Variants in TPM4 observed in about 807,000 individuals in gnomAD.
The protein encoded by TPM4 is tropomyosin alpha-4 chain.
Under a neutral mutation model 35.8 loss-of-function variants are expected in TPM4, and 17 were observed. That is an observed-to-expected ratio of 0.47 (90% CI 0.32 to 0.71). TPM4 has a LOEUF of 0.71. Ranked by LOEUF, TPM4 falls within the 30% of genes least tolerant of loss-of-function variation. The pLI, the probability that TPM4 is intolerant of heterozygous loss-of-function variation, is 0.03. For missense variants in TPM4, 240 were observed against 320.9 expected (o/e 0.75, Z 1.93); for synonymous variants, 120 against 122.9 (o/e 0.98, Z 0.15).
At chr19:16,101,203 TC>T in intron 7 of TPM4, 60 bp from the exon 8 acceptor site, 1 of 1,336,256 alleles carries the variant, frequency 7.5e-7, no homozygotes, top group Non-Finnish European at 1.0e-6. Context: ...TCTTTTTTTT[TC>T]TTTCATTTAA....
chr19:16,088,753 A>G (rs997198095), intron 4 of TPM4: 24 of 1,153,400 alleles, frequency 2.1e-5, no homozygotes, highest in Middle Eastern at 3.9e-4. Context: ...CATCAATCAT[A>G]GATTTCACAA....
intron 5 of TPM4, among the ~76,000 whole-genome samples, chr19:16,091,739 C>T (rs2090629255): frequency 6.6e-6 from 1 of 151,890 alleles, no homozygotes; most frequent in Non-Finnish European, 1.5e-5. Context: ...TGCCCCACTG[C>T]ACTCCAGAGT....
chr19:16,100,298 T>A (rs1313768535), intron 7 of TPM4: 1 of 152,220 alleles, frequency 6.6e-6, no homozygotes, highest in African/African-American at 2.4e-5. Context: ...GGACACCAAC[T>A]TAAATCTGAG....
chr19:16,077,905 G>C (rs2090432580), intron 1 of TPM4: 2 of 321,338 alleles, frequency 6.2e-6, no homozygotes, highest in Non-Finnish European at 1.1e-5. Context: ...GGGATTACAG[G>C]TGCCCGCCAC....
At chr19:16,089,186 G>A in intron 5 of TPM4, 66 bp downstream of exon 5, 1 of 1,598,536 alleles carries the variant, frequency 6.3e-7, no homozygotes, top group South Asian at 1.1e-5. Context: ...CCCGAGGGAT[G>A]CAGGAGCCTG....
upstream of TPM4, among the ~76,000 whole-genome samples, chr19:16,073,330 G>A (rs1466348775): frequency 1.3e-5 from 2 of 152,232 alleles, no homozygotes; most frequent in Admixed American, 6.5e-5. Flanking sequence ...GTGATCCACA[G>A]ATCTGGAAGG....
intron 7 of TPM4, among the ~76,000 whole-genome samples, chr19:16,095,070 T>G (rs2144958135): frequency 6.6e-6 from 1 of 152,304 alleles, no homozygotes; most frequent in East Asian, 1.9e-4. Flanking sequence ...CTCAAACCAC[T>G]TAGAGATCAA....
At position 16,067,832 on chromosome 19, in the gene TPM4, C is replaced by A; in HGVS notation, c.114+94C>A. ...GAGCCCAGTTGGGGGTCGCAGACAC[C>A]TGCGGGAGGATAGGAGGCTGATGCT... On this transcript the variant is annotated intron_variant, in intron 2 of 2. Transcript: ENST00000589897. The surrounding 1 kb of genome is among the most constrained non-coding windows in gnomAD (Gnocchi z 4.1). The A allele has an allele frequency of 8.6e-7, 1 of 1,162,814 alleles. No homozygotes were observed. The highest frequency in any genetic ancestry group is 1.2e-6 in the Non-Finnish European group (1 of 826,626). 72.0% of individuals were successfully genotyped at this position (1,162,814 alleles called of 1,614,324 possible).
At chr19:16,085,917 A>G (rs1165152739) in intron 2 of TPM4, among the ~76,000 whole-genome samples, 5 of 151,804 alleles carry the variant, frequency 3.3e-5, no homozygotes, top group Admixed American at 3.3e-4. Context: ...AAAAATATAA[A>G]AGTTAGCCGG....
At chr19:16,090,218 A>G (rs1365763838) in intron 5 of TPM4, among the ~76,000 whole-genome samples, 1 of 151,858 alleles carries the variant, frequency 6.6e-6, no homozygotes, top group Admixed American at 6.6e-5. Context: ...CTGGGCTTAA[A>G]TAATCCTATC....
rs766246737 is a variant in TPM4 at position 16,076,689 on chromosome 19, C to A, written c.124C>A (p.Arg42Ser). Residue 42 changes from arginine to serine, a missense_variant, in exon 1 of 8, where the codon CGC (arginine) becomes AGC (serine). Transcript: ENST00000643579. ...GGAGCTGGACGGCGAGCGCGAGCGGCGCGAGAAAGTGAGCGCCCCGGCCTC... is the reference window on the plus strand; with the variant it reads ...GGAGCTGGACGGCGAGCGCGAGCGGAGCGAGAAAGTGAGCGCCCCGGCCTC... ...QRELDGERER[R>S]EKAEGDVAAL... 1.6e-5 allele frequency: 22 copies of A among 1,356,300 alleles called. No individual in the cohort carries two copies. In the South Asian group the frequency reaches 3.5e-4, roughly 21 times the overall value. The allele number at this position is 1,356,300 out of a possible 1,614,324, so 84.0% of individuals were successfully genotyped here. A position where few individuals can be genotyped will look rare whatever the true frequency, so the allele number is the denominator to read the frequency against.
chr19:16,093,496 G>A, intron 5 of TPM4, 40 bp from the exon 6 acceptor site: 1 of 1,611,388 alleles, frequency 6.2e-7, no homozygotes. Flanking sequence ...GCCTGGCTGG[G>A]CCTCCTTTTC....
chr19:16,081,207 A>G (rs1459326249), intron 1 of TPM4: 4 of 392,594 alleles, frequency 1.0e-5, no homozygotes, highest in Non-Finnish European at 1.3e-5. Context: ...TAAGAATCTC[A>G]CAGTGAGCCC....
intron 7 of TPM4, among the ~76,000 whole-genome samples, chr19:16,098,414 TC>T (rs2090725138): frequency 6.6e-6 from 1 of 151,530 alleles, no homozygotes; most frequent in African/African-American, 2.4e-5. Flanking sequence ...ACCTTTGTAC[TC>T]CAGCCTGGGC....
chr19:16,087,910 C>T (rs2090577428), intron 3 of TPM4, 117 bp from the exon 4 acceptor site: 4 of 1,084,114 alleles, frequency 3.7e-6, no homozygotes, highest in Non-Finnish European at 5.5e-6. Context: ...CCAGAAAAAC[C>T]CATGTTGCAG....
At chr19:16,072,831 A>C (rs112206305), upstream of TPM4, among the ~76,000 whole-genome samples, 3,058 of 152,220 alleles carry the variant, frequency 0.02, 118 homozygotes, top group African/African-American at 0.07. Flanking sequence ...CACTTGAGCC[A>C]GGGAGGTGGA....
chr19:16,094,109 C>T (rs1362127454), intron 7 of TPM4, among the ~76,000 whole-genome samples: 3 of 151,794 alleles, frequency 2.0e-5, no homozygotes, highest in African/African-American at 4.8e-5. Flanking sequence ...GGACTACAGG[C>T]GTGTGCCGCC....
chr19:16,073,585 C>T (rs976062729), upstream of TPM4, among the ~76,000 whole-genome samples: 5 of 152,290 alleles, frequency 3.3e-5, no homozygotes, highest in African/African-American at 1.2e-4. Flanking sequence ...GCCCTATAGA[C>T]TCTGACCCTG....
intron 7 of TPM4, among the ~76,000 whole-genome samples, chr19:16,096,280 G>C (rs909439465): frequency 6.6e-6 from 1 of 152,104 alleles, no homozygotes; most frequent in African/African-American, 2.4e-5. Context: ...TGCCCAGGCT[G>C]GTCTTGAACT....
Sources: allele counts gnomAD v4.1 joint callset (sites outside exome capture counted in the v4.1 genomes callset), GRCh38; gene constraint gnomAD v4.1.1; non-coding constraint Gnocchi (gnomAD v3.1); transcripts MANE v1.5; gene names NCBI Gene and HGNC (gene_info 2026-07-23, HGNC 2026-07-21).